PHIP: variants seen among roughly 807,000 people sequenced by gnomAD.
PHIP encodes the protein PHIP subunit of CUL4-Ring ligase complex.
PHIP carries 54 observed loss-of-function variants against 236.8 expected under a neutral mutation model. The observed-to-expected ratio is 0.23, with a 90% CI of 0.18 to 0.29. The LOEUF (loss-of-function observed/expected upper bound fraction) is 0.29, where lower values mean the gene tolerates loss of function less well. Among genes scored for constraint, PHIP ranks in the 10% least tolerant of loss-of-function variants. PHIP has a pLI of 1.00. For missense variants in PHIP, 1,370 were observed against 2,190.8 expected, an observed-to-expected ratio of 0.63 and a Z score of 7.48; for synonymous variants, 756 against 718.9, an observed-to-expected ratio of 1.05 and a Z score of -0.83.
chr6:79,034,991 G>A (rs1038966164), intron 7 of PHIP, among the ~76,000 whole-genome samples: 20 of 152,120 alleles, frequency 1.3e-4, no homozygotes, highest in African/African-American at 3.9e-4. Flanking sequence ...AAATCAGTTG[G>A]AACCAAGATG....
rs1325702988 is a variant in PHIP at position 78,940,664 on chromosome 6, G to A, written c.*29C>T. The A allele has an allele frequency of 7.5e-7, 1 of 1,341,390 alleles. No homozygotes were observed. The highest frequency in any genetic ancestry group is 1.0e-6 in the Non-Finnish European group (1 of 1,001,800). 83.1% of individuals were successfully genotyped at this position (1,341,390 alleles called of 1,614,324 possible). On this transcript the variant is annotated 3_prime_UTR_variant, in exon 40 of 40. Coordinates refer to ENST00000275034, the MANE Select transcript of PHIP (RefSeq NM_017934.7). ...ATTCCTTAACTGTACCTGCTTTATAGATTTTGAAGTAAAATATTTTGGTAC... is the reference window on the plus strand; with the variant it reads ...ATTCCTTAACTGTACCTGCTTTATAAATTTTGAAGTAAAATATTTTGGTAC...
intron 6 of PHIP, among the ~76,000 whole-genome samples, chr6:79,051,390 G>A (rs1479331447): frequency 6.6e-6 from 1 of 152,090 alleles, no homozygotes; most frequent in Non-Finnish European, 1.5e-5. Flanking sequence ...ACAAAAAAAG[G>A]AGGGCAGGTA....
intron 21 of PHIP, 38 bp from the exon 22 acceptor site, chr6:78,985,466 T>TG (rs1562153416): frequency 1.0e-6 from 1 of 969,768 alleles, no homozygotes; most frequent in East Asian, 2.4e-5. Context: ...TGCATAATTT[T>TG]ATAAAATAAC....
Position 78,937,927 on chromosome 6 carries a change from AAG to A in PHIP, c.*2764_*2765del, listed in dbSNP as rs1773335897. 1 of 151,682 alleles carries A rather than the reference AAG, an allele frequency of 6.6e-6. No individual in the cohort carries two copies. The highest frequency in any genetic ancestry group is 1.5e-5 in the Non-Finnish European group (1 of 67,624). The allele number at this position is 151,682 out of a possible 1,614,324, so 9.4% of individuals were successfully genotyped here. A position where few individuals can be genotyped will look rare whatever the true frequency, so the allele number is the denominator to read the frequency against. On this transcript the variant is annotated 3_prime_UTR_variant, in exon 40 of 40. Transcript: ENST00000275034. ...ATTGGTTTACACTTTCCATGCATGTAAGAGTTATATTTCTGAACTTTCAGTAA... is the reference window on the plus strand; with the variant it reads ...ATTGGTTTACACTTTCCATGCATGTAAGTTATATTTCTGAACTTTCAGTAA...
intron 12 of PHIP, 97 bp downstream of exon 12, chr6:79,017,249 T>A: frequency 1.4e-6 from 1 of 692,730 alleles, no homozygotes; most frequent in Non-Finnish European, 2.4e-6. Flanking sequence ...TTTAGGTAGG[T>A]GATTATTTCC....
chr6:78,987,804 A>T (rs1056023593), intron 21 of PHIP, among the ~76,000 whole-genome samples: 3 of 152,208 alleles, frequency 2.0e-5, no homozygotes, highest in Admixed American at 6.5e-5. Context: ...TTAAAAACTA[A>T]CAAAAATTGT....
Position 79,078,196 on chromosome 6 carries a change from G to C in PHIP, c.-128C>G. 1.1e-6 allele frequency: 1 copy of C among 879,598 alleles called. No individual in the cohort carries two copies. The highest frequency in any genetic ancestry group is 1.8e-6 in the Non-Finnish European group (1 of 567,474). 54.5% of individuals were successfully genotyped at this position (879,598 alleles called of 1,614,324 possible). The stretch of plus-strand genomic sequence containing the variant: ...GCCGAGCTTCGGCTCCACCATTCAA[G>C]CAACGGCGGCGGAGGCGGAGGAGGA... On this transcript the variant is annotated 5_prime_UTR_variant, in exon 1 of 40. Coordinates refer to ENST00000275034, the MANE Select transcript of PHIP (RefSeq NM_017934.7).
chr6:78,978,045 C>T (rs951494818), intron 24 of PHIP, among the ~76,000 whole-genome samples: 9 of 151,998 alleles, frequency 5.9e-5, no homozygotes, highest in Non-Finnish European at 1.2e-4. Context: ...AATGTTGAGA[C>T]CAGTTCTTAC....
At chr6:79,044,801 T>C (rs1478666305) in intron 6 of PHIP, among the ~76,000 whole-genome samples, 5 of 152,156 alleles carry the variant, frequency 3.3e-5, no homozygotes, top group Non-Finnish European at 5.9e-5. Context: ...TAAGATAAAT[T>C]TGTTATAAAG....
intron 12 of PHIP, 82 bp downstream of exon 12, chr6:79,017,264 C>T: frequency 1.2e-6 from 1 of 824,508 alleles, no homozygotes; most frequent in Non-Finnish European, 1.9e-6. Flanking sequence ...ATTTCCTATA[C>T]AGCTTCAAAT....
rs562702498 is a variant in PHIP at position 78,937,371 on chromosome 6, A to G, written c.*3322T>C. The stretch of plus-strand genomic sequence containing the variant: ...GAAAACATGTAAATGCTGCTAACAT[A>G]TAAGATAAAAATATTTGAATACATT... On this transcript the variant is annotated 3_prime_UTR_variant, in exon 40 of 40. Coordinates refer to ENST00000275034, the MANE Select transcript of PHIP (RefSeq NM_017934.7). 2.0e-5 allele frequency: 3 copies of G among 151,748 alleles called. No homozygotes were observed. The highest frequency in any genetic ancestry group is 1.5e-5 in the Non-Finnish European group (1 of 67,662). 9.4% of individuals were successfully genotyped at this position (151,748 alleles called of 1,614,324 possible).
chr6:78,959,502 G>T (rs1414908472), intron 31 of PHIP, among the ~76,000 whole-genome samples: 3 of 152,116 alleles, frequency 2.0e-5, no homozygotes, highest in Non-Finnish European at 4.4e-5. Flanking sequence ...AGTTTAACAA[G>T]AGATTGAACT....
intron 24 of PHIP, among the ~76,000 whole-genome samples, chr6:78,971,668 C>A (rs1041159506): frequency 6.6e-5 from 10 of 152,190 alleles, no homozygotes; most frequent in African/African-American, 2.2e-4. Context: ...TCAGTGGGTG[C>A]GCGCACCGTG....
chr6:78,965,229 T>C (rs1767052661), intron 29 of PHIP, among the ~76,000 whole-genome samples: 1 of 152,150 alleles, frequency 6.6e-6, no homozygotes, highest in Admixed American at 6.5e-5. Flanking sequence ...ATAAGGAAGG[T>C]ATTAGCTTTG....
At chr6:78,982,421 C>T (rs765053717) in intron 23 of PHIP, among the ~76,000 whole-genome samples, 2 of 152,006 alleles carry the variant, frequency 1.3e-5, no homozygotes, top group African/African-American at 4.8e-5. Flanking sequence ...GACCATCTTA[C>T]CCCACTTTAT....
intron 29 of PHIP, among the ~76,000 whole-genome samples, chr6:78,964,097 A>C (rs780709094): frequency 2.0e-5 from 3 of 152,226 alleles, no homozygotes; most frequent in Non-Finnish European, 4.4e-5. Flanking sequence ...GTTCAATGTG[A>C]GTTCAAATTC....
intron 37 of PHIP, 159 bp from the exon 38 acceptor site, chr6:78,946,419 ATATT>A: frequency 7.1e-7 from 1 of 1,404,410 alleles, no homozygotes. Context: ...TTGAAAGTGA[ATATT>A]TAGTGAAGGA....
At chr6:79,025,413 C>G in intron 9 of PHIP, 106 bp downstream of exon 9, 1 of 638,404 alleles carries the variant, frequency 1.6e-6, no homozygotes. Flanking sequence ...ATTATTTACT[C>G]AAGGAGAAAA....
At chr6:79,010,392 C>A (rs1770517334) in intron 15 of PHIP, among the ~76,000 whole-genome samples, 1 of 146,864 alleles carries the variant, frequency 6.8e-6, no homozygotes, top group Admixed American at 6.8e-5. Flanking sequence ...GACACTGGAA[C>A]TTTTTTTTTT....
Sources: allele counts gnomAD v4.1 joint callset (sites outside exome capture counted in the v4.1 genomes callset), GRCh38; gene constraint gnomAD v4.1.1; transcripts MANE v1.5; gene names NCBI Gene and HGNC (gene_info 2026-07-23, HGNC 2026-07-21).